Variants in LRRC4B observed in about 807,000 individuals in gnomAD.
LRRC4B encodes leucine-rich repeat-containing protein 4B.
LRRC4B carries 1 observed loss-of-function variant against 7.3 expected under a neutral mutation model. That is an observed-to-expected ratio of 0.14 (90% CI 0.05 to 0.65). LRRC4B has a LOEUF of 0.65. LRRC4B is among the 30% of genes least tolerant of loss of function. The pLI is 0.84. For synonymous variants in LRRC4B, 500 were observed against 499.2 expected (o/e 1.00, Z -0.02); for missense variants, 730 against 1,041.6 (o/e 0.70, Z 4.12).
intron 2 of LRRC4B, among the ~76,000 whole-genome samples, chr19:50,544,308 C>T (rs1441399689): frequency 1.3e-5 from 2 of 151,724 alleles, no homozygotes; most frequent in African/African-American, 4.8e-5. Context: ...AGATCAAGAC[C>T]ATCCTGGCTA....
chr19:50,525,746 G>A (rs1251547420), intron 2 of LRRC4B, among the ~76,000 whole-genome samples: 2 of 151,862 alleles, frequency 1.3e-5, no homozygotes, highest in African/African-American at 2.4e-5. Flanking sequence ...ATCCTTTCCC[G>A]CAGAAAATCA....
rs1329988803 is a variant in LRRC4B at position 50,517,783 on chromosome 19, C to T, written c.1930G>A (p.Val644Met). ...AAAAVASGGG[V>M]GGDSHLALPA... is the part of the protein sequence containing the mutation. The stretch of plus-strand genomic sequence containing the variant: ...AGGGCCAGGTGGCTGTCCCCGCCCA[C>T]ACCACCCCCACTGGCCACGGCGGCC... The change falls in exon 3 of 3, where the codon GTG becomes ATG. Residue 644 changes from valine to methionine, a missense_variant. By Grantham distance (21) the Val-to-Met change is conservative. Transcript: ENST00000652263. This position sits in a 1 kb window ranked among gnomAD's most constrained non-coding sequence, Gnocchi z 6.6. The T allele has an allele frequency of 1.3e-6, 2 of 1,528,302 alleles. No homozygotes were observed. Among genetic ancestry groups the T allele is most frequent in the Non-Finnish European group, 1.7e-6 (2 of 1,143,996 alleles). 94.7% of individuals were successfully genotyped at this position (1,528,302 alleles called of 1,614,324 possible).
In LRRC4B at chr19:50,558,713, T is replaced by C. The variant is rs371508597; in HGVS notation, c.-36+9231A>G. ...TGATGTGACTGTTGCTGCTCATGCA[T>C]GGCAGTGGCTGTGGCAGCTACTGTG... On this transcript the variant is annotated intron_variant, in intron 1 of 2. Coordinates refer to ENST00000652263, the MANE Select transcript of LRRC4B (RefSeq NM_001080457.2). 3.9e-5 allele frequency among the ~76,000 whole-genome samples: 6 copies of C among 152,362 alleles called. No homozygotes were observed. The South Asian group carries it at 8.3e-4, about 21-fold the overall frequency.
intron 2 of LRRC4B, among the ~76,000 whole-genome samples, chr19:50,529,920 C>T (rs1182739879): frequency 6.6e-6 from 1 of 152,106 alleles, no homozygotes; most frequent in Non-Finnish European, 1.5e-5. Context: ...CCCCTTCATT[C>T]CCAGCAAACA....
At chr19:50,532,615 G>C (rs1312747290) in intron 2 of LRRC4B, among the ~76,000 whole-genome samples, 7 of 151,972 alleles carry the variant, frequency 4.6e-5, no homozygotes, top group Non-Finnish European at 1.0e-4. Flanking sequence ...AGCCCTTTTT[G>C]ACCCCTGGTC....
intron 2 of LRRC4B, among the ~76,000 whole-genome samples, chr19:50,540,275 A>T (rs904644077): frequency 2.0e-5 from 3 of 152,182 alleles, no homozygotes; most frequent in Admixed American, 2.0e-4. Context: ...GCACAGAAGG[A>T]GGTGAGCAGC....
chr19:50,560,111 G>A (rs532939238), intron 1 of LRRC4B, among the ~76,000 whole-genome samples: 8 of 152,244 alleles, frequency 5.3e-5, no homozygotes, highest in East Asian at 3.9e-4. Flanking sequence ...CTCCAGCCTC[G>A]GTGACAGAGT....
At position 50,548,264 on chromosome 19, in the gene LRRC4B, G is replaced by C. The variant is rs1442839220; in HGVS notation, c.297+278C>G. 2.6e-5 allele frequency among the ~76,000 whole-genome samples: 4 copies of C among 152,222 alleles called. No homozygotes were observed. The highest frequency in any genetic ancestry group is 9.6e-5 in the African/African-American group (4 of 41,464). The stretch of plus-strand genomic sequence containing the variant: ...TCCAGGGCTCGGCCTAGGCCGACCC[G>C]CCTGTCCTGTGCCGGGGGGGCTGGG... On this transcript the variant is annotated intron_variant, in intron 2 of 2. Coordinates refer to ENST00000652263, the MANE Select transcript of LRRC4B (RefSeq NM_001080457.2). This position sits in a 1 kb window ranked among gnomAD's most constrained non-coding sequence, Gnocchi z 6.8.
At chr19:50,522,358 A>C (rs1481179331) in intron 2 of LRRC4B, among the ~76,000 whole-genome samples, 1 of 152,182 alleles carries the variant, frequency 6.6e-6, no homozygotes, top group Non-Finnish European at 1.5e-5. Context: ...CTGCAATTCC[A>C]AAATTCTTAA....
At chr19:50,538,260 G>A (rs986435554) in intron 2 of LRRC4B, among the ~76,000 whole-genome samples, 12 of 152,036 alleles carry the variant, frequency 7.9e-5, no homozygotes, top group African/African-American at 2.9e-4. Flanking sequence ...ACGGGGTTTC[G>A]CCATGTTGGC....
In LRRC4B at chr19:50,526,759, A is replaced by G. The variant is rs146299869; in HGVS notation, c.298-7344T>C. Among the ~76,000 whole-genome samples, 608 of 152,308 alleles carry G rather than the reference A, an allele frequency of 4.0e-3. 7 individuals are homozygous for G. The highest frequency in any genetic ancestry group is 0.014 in the African/African-American group (583 of 41,556). On this transcript the variant is annotated intron_variant, in intron 2 of 2. Coordinates refer to ENST00000652263, the MANE Select transcript of LRRC4B (RefSeq NM_001080457.2). ...GAAGAAAATAAAAATTGGCCAAAAT[A>G]CATCTACCCAGAGCTAATTTATGTT...
intron 2 of LRRC4B, among the ~76,000 whole-genome samples, chr19:50,536,127 G>C (rs974293169): frequency 1.4e-5 from 2 of 147,084 alleles, no homozygotes; most frequent in Non-Finnish European, 3.0e-5. Flanking sequence ...TACTGGACTT[G>C]TTTACCTTCC....
rs1469626077 is a variant in LRRC4B at position 50,519,132 on chromosome 19, C to T, written c.581G>A (p.Arg194Gln). 23 of 1,612,488 alleles carry T rather than the reference C, an allele frequency of 1.4e-5. No individual in the cohort carries two copies. Among genetic ancestry groups the T allele is most frequent in the Non-Finnish European group, 1.8e-5 (21 of 1,180,004 alleles). Residue 194 changes from arginine (R) to glutamine (Q), a missense_variant, in exon 3 of 3, where the codon CGG becomes CAG. Physicochemically the swap from Arg to Gln is conservative, Grantham distance 43. This residue lies in a region of LRRC4B where 226 missense variants were observed against 448.0 expected (regional missense o/e 0.50). Coordinates refer to ENST00000652263, the MANE Select transcript of LRRC4B (RefSeq NM_001080457.2). This position sits in a 1 kb window ranked among gnomAD's most constrained non-coding sequence, Gnocchi z 8.1. Reference protein sequence around the residue: ...LRRLDLGELKRLEYISEAAFE... With the variant: ...LRRLDLGELKQLEYISEAAFE... ...GGCCGCCTCCGAGATGTATTCCAGC[C>T]GCTTGAGCTCGCCCAGGTCCAGGCG...
chr19:50,548,881 TGG>T lies in LRRC4B; in HGVS notation c.-35-10_-35-9del. The T allele has an allele frequency of 6.9e-6, 3 of 433,740 alleles. No homozygotes were observed. The highest frequency in any genetic ancestry group is 4.2e-5 in the South Asian group (1 of 23,688). 26.9% of individuals were successfully genotyped at this position (433,740 alleles called of 1,614,324 possible). A position where few individuals can be genotyped will look rare whatever the true frequency, so the allele number is the denominator to read the frequency against. On this transcript the variant is annotated splice_polypyrimidine_tract_variant and intron_variant, in intron 1 of 2. Transcript: ENST00000652263. The surrounding 1 kb of genome is among the most constrained non-coding windows in gnomAD (Gnocchi z 6.8). ...CGCGTGGACGCTGGGGGGCTGTGGG[TGG>T]GGGAGAGAAGGGGGAGAGGCTTGGT... is the stretch of plus-strand genomic sequence containing the variant.
chr19:50,541,487 A>G (rs1464200164), intron 2 of LRRC4B, among the ~76,000 whole-genome samples: 2 of 152,118 alleles, frequency 1.3e-5, no homozygotes, highest in African/African-American at 2.4e-5. Flanking sequence ...CCCTGGTGCC[A>G]AAAGGGTTGG....
chr19:50,552,205 C>T (rs1251181853), intron 1 of LRRC4B, among the ~76,000 whole-genome samples: 1 of 147,978 alleles, frequency 6.8e-6, no homozygotes, highest in African/African-American at 2.5e-5. Flanking sequence ...GCCAAAACCC[C>T]CCAGCTTCAC....
intron 2 of LRRC4B, among the ~76,000 whole-genome samples, chr19:50,536,367 C>T (rs898812606): frequency 8.5e-5 from 13 of 152,124 alleles, no homozygotes; most frequent in Non-Finnish European, 1.3e-4. Context: ...CTCCTGACCT[C>T]AAGTGAGCAC....
intron 1 of LRRC4B, among the ~76,000 whole-genome samples, chr19:50,551,714 G>A (rs574521078): frequency 8.8e-5 from 13 of 148,238 alleles, no homozygotes; most frequent in South Asian, 2.2e-4. Flanking sequence ...CCCTCTCATC[G>A]GCCCTGAGCC....
rs987144230 is a variant in LRRC4B at position 50,548,277 on chromosome 19, C to G, written c.297+265G>C. 6.6e-6 allele frequency among the ~76,000 whole-genome samples: 1 copy of G among 152,140 alleles called. No individual in the cohort carries two copies. Among genetic ancestry groups the G allele is most frequent in the African/African-American group, 2.4e-5 (1 of 41,454 alleles). On this transcript the variant is annotated intron_variant, in intron 2 of 2. Transcript: ENST00000652263. The surrounding 1 kb of genome is among the most constrained non-coding windows in gnomAD (Gnocchi z 6.8). ...CTAGGCCGACCCGCCTGTCCTGTGC[C>G]GGGGGGGCTGGGCAGGTGGCCTGCA...
Sources: allele counts gnomAD v4.1 joint callset (sites outside exome capture counted in the v4.1 genomes callset), GRCh38; gene constraint gnomAD v4.1.1; regional missense constraint gnomAD v4.1.1; non-coding constraint Gnocchi (gnomAD v3.1); transcripts MANE v1.5; gene names NCBI Gene and HGNC (gene_info 2026-07-23, HGNC 2026-07-21).